Variants in ACAP2 observed in about 807,000 individuals in gnomAD.
ACAP2 encodes the protein arf-GAP with coiled-coil, ANK repeat and PH domain-containing protein 2.
In ACAP2, 39 loss-of-function variants were observed where a neutral mutation model predicts 115.8. The ratio of observed to expected loss-of-function variants is 0.34; its 90% CI spans 0.26 to 0.44. The LOEUF (loss-of-function observed/expected upper bound fraction) is 0.44. ACAP2 is among the 20% of genes least tolerant of loss of function. The probability of loss-of-function intolerance (pLI) is 1.00; values close to 1 mark genes in which losing one functional copy is unlikely to be tolerated. For missense variants in ACAP2, 662 were observed against 927.6 expected, an observed-to-expected ratio of 0.71 and a Z score of 3.72; for synonymous variants, 289 against 315.8, an observed-to-expected ratio of 0.92 and a Z score of 0.90.
intron 1 of ACAP2, among the ~76,000 whole-genome samples, chr3:195,435,437 A>C (rs1375663781): frequency 1.3e-5 from 2 of 151,746 alleles, no homozygotes; most frequent in Non-Finnish European, 2.9e-5. Flanking sequence ...AAGTGCTGGG[A>C]TTACAGGGAT....
chr3:195,327,892 CTGCACATTAGCCAG>C (rs1010524762), intron 8 of ACAP2, among the ~76,000 whole-genome samples: 3 of 152,042 alleles, frequency 2.0e-5, no homozygotes, highest in Non-Finnish European at 2.9e-5. Context: ...GATCGCACCA[CTGCACATTAGCCAG>C]GGTGACAGTG....
intron 1 of ACAP2, among the ~76,000 whole-genome samples, chr3:195,439,100 A>G (rs1256523521): frequency 6.6e-6 from 1 of 152,086 alleles, no homozygotes; most frequent in East Asian, 1.9e-4. Flanking sequence ...GAATCTAAAA[A>G]TGAAAAACCT....
chr3:195,414,216 GAA>G (rs2108817166), intron 1 of ACAP2, among the ~76,000 whole-genome samples: 1 of 152,238 alleles, frequency 6.6e-6, no homozygotes, highest in Admixed American at 6.5e-5. Context: ...TGATGGGAAA[GAA>G]AAATTGCACA....
Position 195,308,731 on chromosome 3 carries a change from A to G in ACAP2, c.909+55T>C, listed in dbSNP as rs570942528. 53 of 1,417,774 alleles carry G rather than the reference A, an allele frequency of 3.7e-5. No homozygotes were observed. The African/African-American group carries it at 6.7e-4, about 18-fold the overall frequency. 87.8% of individuals were successfully genotyped at this position (1,417,774 alleles called of 1,614,324 possible). ...TGTATAGACTTCAATGTTTACCAAA[A>G]CAGATAAATAACTGAAACTGGTAAC... is the stretch of plus-strand genomic sequence containing the variant. On this transcript the variant is annotated intron_variant, in intron 11 of 22. Coordinates refer to ENST00000326793, the MANE Select transcript of ACAP2 (RefSeq NM_012287.6).
chr3:195,315,310 A>G (rs1729017416), intron 10 of ACAP2, among the ~76,000 whole-genome samples: 1 of 152,234 alleles, frequency 6.6e-6, no homozygotes, highest in South Asian at 2.1e-4. Context: ...CATGAGCCAC[A>G]ATGACTGGCC....
chr3:195,349,868 T>C, intron 4 of ACAP2: 1 of 311,058 alleles, frequency 3.2e-6, no homozygotes, highest in South Asian at 3.0e-5. Context: ...AACAAAGCTG[T>C]CTGGAACAAA....
chr3:195,323,604 G>C (rs1205779362), intron 9 of ACAP2, among the ~76,000 whole-genome samples: 1 of 152,110 alleles, frequency 6.6e-6, no homozygotes, highest in Non-Finnish European at 1.5e-5. Context: ...AATTGAAGGA[G>C]GGAAGGTAGG....
chr3:195,353,423 A>G (rs1251691413), intron 4 of ACAP2, among the ~76,000 whole-genome samples: 1 of 152,250 alleles, frequency 6.6e-6, no homozygotes, highest in African/African-American at 2.4e-5. Flanking sequence ...AATCCATACA[A>G]TGCAATCGTA....
intron 19 of ACAP2, among the ~76,000 whole-genome samples, 182 bp from the exon 20 acceptor site, chr3:195,291,997 G>T (rs1434640463): frequency 2.0e-5 from 3 of 152,066 alleles, no homozygotes; most frequent in African/African-American, 7.2e-5. Context: ...TTCTTCCCAA[G>T]AACTAATTCT....
chr3:195,280,159 A>C (rs1726399719), intron 22 of ACAP2, among the ~76,000 whole-genome samples: 2 of 152,126 alleles, frequency 1.3e-5, no homozygotes, highest in South Asian at 4.2e-4. Context: ...CTCTACAAAA[A>C]TTAACAACAA....
intron 1 of ACAP2, among the ~76,000 whole-genome samples, chr3:195,417,211 C>T (rs1713809330): frequency 6.6e-6 from 1 of 151,094 alleles, no homozygotes. Flanking sequence ...ACATTACAGG[C>T]ATGAGCCACC....
At chr3:195,427,031 C>T (rs1045898731) in intron 1 of ACAP2, among the ~76,000 whole-genome samples, 2 of 151,564 alleles carry the variant, frequency 1.3e-5, no homozygotes, top group Non-Finnish European at 2.9e-5. Flanking sequence ...TATCATCTGA[C>T]CTTGAGATTG....
intron 19 of ACAP2, 38 bp downstream of exon 19, chr3:195,292,227 T>C (rs369772356): frequency 9.2e-6 from 14 of 1,515,366 alleles, no homozygotes; most frequent in East Asian, 2.3e-5. Context: ...TTTTAAATAT[T>C]TGATTGCTAC....
intron 10 of ACAP2, among the ~76,000 whole-genome samples, chr3:195,315,900 A>T (rs1448652884): frequency 6.6e-6 from 1 of 152,236 alleles, no homozygotes; most frequent in Admixed American, 6.5e-5. Flanking sequence ...AGGTTCATGT[A>T]TAAATCAAAA....
At position 195,292,405 on chromosome 3, in the gene ACAP2, T is replaced by C. The variant is rs139865523; in HGVS notation, c.1813A>G (p.Asn605Asp). The C allele has an allele frequency of 4.9e-5, 79 of 1,612,662 alleles. No homozygotes were observed. Among genetic ancestry groups the C allele is most frequent in the Non-Finnish European group, 6.4e-5 (75 of 1,179,728 alleles). Reference protein sequence around the residue: ...SSMFLDSKHLNPGLQLYRASY... With the variant: ...SSMFLDSKHLDPGLQLYRASY... The stretch of plus-strand genomic sequence containing the variant: ...GCCCTATAAAGCTGAAGTCCTGGAT[T>C]AAGATGTTTCGAGTCAAGAAACATA... The change falls in exon 19 of 23, where the codon AAT becomes GAT. Residue 605 changes from asparagine (N) to aspartate (D), a missense_variant. Physicochemically the swap from Asn to Asp is conservative, Grantham distance 23. This residue lies in a region of ACAP2 where 133 missense variants were observed against 123.1 expected (regional missense o/e 1.08). Transcript: ENST00000326793.
chr3:195,382,879 G>GAA (rs112190227), intron 2 of ACAP2, among the ~76,000 whole-genome samples: 2 of 137,042 alleles, frequency 1.5e-5, no homozygotes, highest in Non-Finnish European at 3.2e-5. Flanking sequence ...ACTATGCATG[G>GAA]AAAAAAAAAA....
At chr3:195,287,831 C>T (rs1726946960) in intron 21 of ACAP2, among the ~76,000 whole-genome samples, 1 of 152,090 alleles carries the variant, frequency 6.6e-6, no homozygotes, top group Non-Finnish European at 1.5e-5. Context: ...TAGCCGGGCA[C>T]GGTGACTCAC....
At chr3:195,298,318 T>A (rs1727794547) in intron 15 of ACAP2, among the ~76,000 whole-genome samples, 1 of 148,366 alleles carries the variant, frequency 6.7e-6, no homozygotes, top group Non-Finnish European at 1.5e-5. Flanking sequence ...TGCAGTGGCA[T>A]GATCTTGGCC....
intron 22 of ACAP2, chr3:195,282,332 A>G (rs1389447971): frequency 6.6e-6 from 1 of 152,212 alleles, no homozygotes; most frequent in Non-Finnish European, 1.5e-5. Context: ...CACTGACTGA[A>G]TACATTTAAA....
Sources: gnomAD v4.1 joint callset for allele counts (sites outside exome capture counted in the v4.1 genomes callset) on GRCh38, gnomAD v4.1.1 for gene constraint, gnomAD v4.1.1 regional missense constraint, MANE v1.5 for transcripts, NCBI Gene and HGNC (gene_info 2026-07-23, HGNC 2026-07-21) for gene names.